TANGO6: variants seen among roughly 807,000 people sequenced by gnomAD.
TANGO6 encodes the protein transport and Golgi organization protein 6 homolog.
Under a neutral mutation model 114.2 loss-of-function variants are expected in TANGO6, and 90 were observed. The ratio of observed to expected loss-of-function variants is 0.79; its 90% CI spans 0.66 to 0.94. The LOEUF (loss-of-function observed/expected upper bound fraction) is 0.94. TANGO6 is among the 40% of genes least tolerant of loss of function. TANGO6 has a pLI of 0.00. For missense variants in TANGO6, 1,274 were observed against 1,315.3 expected (o/e 0.97, Z 0.49); for synonymous variants, 477 against 509.8 (o/e 0.94, Z 0.87).
At chr16:68,910,618 G>A (rs976107547) in intron 11 of TANGO6, among the ~76,000 whole-genome samples, 1 of 152,128 alleles carries the variant, frequency 6.6e-6, no homozygotes, top group African/African-American at 2.4e-5. Context: ...GAACCACAAG[G>A]AAATATTAAA....
At chr16:69,065,898 T>C (rs972527110) in intron 17 of TANGO6, among the ~76,000 whole-genome samples, 1 of 152,200 alleles carries the variant, frequency 6.6e-6, no homozygotes, top group Non-Finnish European at 1.5e-5. Flanking sequence ...AGTCCAGAGC[T>C]CCTGAATGAG....
At chr16:68,896,102 C>G (rs918513626) in intron 7 of TANGO6, among the ~76,000 whole-genome samples, 3 of 151,974 alleles carry the variant, frequency 2.0e-5, no homozygotes, top group Non-Finnish European at 1.5e-5. Context: ...CTCCTGGGTT[C>G]AAGCAATGAT....
At chr16:68,997,293 A>G (rs1265956203) in intron 15 of TANGO6, among the ~76,000 whole-genome samples, 1 of 152,188 alleles carries the variant, frequency 6.6e-6, no homozygotes, top group East Asian at 1.9e-4. Flanking sequence ...AAGGATGGCT[A>G]CTCCATAGGC....
chr16:69,065,018 G>A (rs781373113), intron 17 of TANGO6, among the ~76,000 whole-genome samples: 1 of 152,170 alleles, frequency 6.6e-6, no homozygotes, highest in Non-Finnish European at 1.5e-5. Flanking sequence ...ACCCTCTCAG[G>A]ACAACACTCC....
chr16:68,996,176 A>C (rs1963987714), intron 15 of TANGO6, among the ~76,000 whole-genome samples: 1 of 152,210 alleles, frequency 6.6e-6, no homozygotes, highest in Admixed American at 6.5e-5. Flanking sequence ...AAGGCTGAAA[A>C]GTAACTGTTG....
chr16:69,057,316 A>C (rs1003603681), intron 17 of TANGO6, among the ~76,000 whole-genome samples: 12 of 152,178 alleles, frequency 7.9e-5, no homozygotes, highest in African/African-American at 2.9e-4. Flanking sequence ...CATTTACTAC[A>C]TGACAGCACT....
chr16:69,022,243 C>T (rs1959420798), intron 15 of TANGO6, among the ~76,000 whole-genome samples: 1 of 152,034 alleles, frequency 6.6e-6, no homozygotes, highest in Non-Finnish European at 1.5e-5. Flanking sequence ...CTGCTAGTAA[C>T]ACTATGGGGA....
chr16:68,964,769 T>C (rs1273558581), intron 14 of TANGO6, among the ~76,000 whole-genome samples: 13 of 151,894 alleles, frequency 8.6e-5, no homozygotes, highest in Non-Finnish European at 1.5e-4. Context: ...TTTCGCTATG[T>C]TGGCCTGGCC....
chr16:68,870,802 C>CT (rs59539664), intron 4 of TANGO6, among the ~76,000 whole-genome samples: 27,235 of 144,144 alleles, frequency 0.19, 2,713 homozygotes, highest in African/African-American at 0.29. Flanking sequence ...CAATGAATTT[C>CT]TTTTTTTTTT....
chr16:68,844,061 A>G (rs1011969871), intron 1 of TANGO6, among the ~76,000 whole-genome samples: 1 of 152,106 alleles, frequency 6.6e-6, no homozygotes, highest in Non-Finnish European at 1.5e-5. Flanking sequence ...GGCGCCCGCG[A>G]CGTAGAAATG....
chr16:68,912,336 G>GA (rs1250495926), intron 11 of TANGO6, among the ~76,000 whole-genome samples: 2 of 151,634 alleles, frequency 1.3e-5, no homozygotes, highest in Admixed American at 6.6e-5. Flanking sequence ...CACCTCTACT[G>GA]AAAATACAAA....
intron 15 of TANGO6, among the ~76,000 whole-genome samples, chr16:69,018,187 A>C (rs1344028270): frequency 9.4e-5 from 11 of 116,788 alleles, no homozygotes; most frequent in African/African-American, 3.6e-4. Context: ...TCTGTCGCCC[A>C]GGCTGGAGTG....
At chr16:69,024,786 G>C (rs1959471643) in intron 16 of TANGO6, among the ~76,000 whole-genome samples, 1 of 151,920 alleles carries the variant, frequency 6.6e-6, no homozygotes, top group Non-Finnish European at 1.5e-5. Flanking sequence ...TTATAAATAA[G>C]TAAGTGAAAT....
chr16:68,855,860 T>G (rs1489008519), intron 1 of TANGO6, among the ~76,000 whole-genome samples: 1 of 150,674 alleles, frequency 6.6e-6, no homozygotes, highest in Non-Finnish European at 1.5e-5. Flanking sequence ...ACTCTAGCCT[T>G]GACAGAGCAA....
intron 17 of TANGO6, among the ~76,000 whole-genome samples, chr16:69,045,048 T>G (rs1052395310): frequency 6.6e-6 from 1 of 151,066 alleles, no homozygotes; most frequent in African/African-American, 2.4e-5. Context: ...TAATCCCAGT[T>G]CGGGAGGCCA....
At chr16:68,859,363 G>T (rs1405190117) in intron 1 of TANGO6, among the ~76,000 whole-genome samples, 1 of 152,062 alleles carries the variant, frequency 6.6e-6, no homozygotes, top group African/African-American at 2.4e-5. Flanking sequence ...TAGAAATGGG[G>T]TCTCACTGTG....
At chr16:68,958,774 G>A (rs1032751955) in intron 14 of TANGO6, among the ~76,000 whole-genome samples, 1 of 151,648 alleles carries the variant, frequency 6.6e-6, no homozygotes, top group Non-Finnish European at 1.5e-5. Flanking sequence ...TCTCTACGAA[G>A]CATTTTTTAA....
At position 68,953,750 on chromosome 16, in the gene TANGO6, G is replaced by A. The variant is rs559715578; in HGVS notation, c.2702-20278G>A. Reference sequence around the variant, plus strand: ...GGTATCTCATACTGTCTTCTTGGTCGTGAAACCCGCCTTTGTGACAGCTAG... The same window carrying A: ...GGTATCTCATACTGTCTTCTTGGTCATGAAACCCGCCTTTGTGACAGCTAG... On this transcript the variant is annotated intron_variant, in intron 14 of 17. Transcript: ENST00000261778. Among the ~76,000 whole-genome samples, 11 of 152,264 alleles carry A rather than the reference G, an allele frequency of 7.2e-5. No homozygotes were observed. The East Asian group carries it at 9.6e-4, about 13-fold the overall frequency.
At chr16:69,075,307 A>G (rs1960358580) in intron 17 of TANGO6, among the ~76,000 whole-genome samples, 1 of 152,090 alleles carries the variant, frequency 6.6e-6, no homozygotes, top group Admixed American at 6.6e-5. Context: ...ACATTGTGCA[A>G]TGCCAATTCT....
Sources: allele counts gnomAD v4.1 joint callset (sites outside exome capture counted in the v4.1 genomes callset), GRCh38; gene constraint gnomAD v4.1.1; transcripts MANE v1.5; gene names NCBI Gene and HGNC (gene_info 2026-07-23, HGNC 2026-07-21).